The following PRKCE variants were observed in gnomAD, a reference collection of about 807,000 sequenced individuals.
PRKCE encodes protein kinase C epsilon type.
Under a neutral mutation model 85.4 loss-of-function variants are expected in PRKCE, and 16 were observed. The observed-to-expected ratio is 0.19, with a 90% CI of 0.13 to 0.28. PRKCE has a LOEUF of 0.28. PRKCE is among the 10% of genes least tolerant of loss of function. The pLI, the probability that PRKCE is intolerant of heterozygous loss-of-function variation, is 1.00. For missense variants in PRKCE, 573 were observed against 975.2 expected (o/e 0.59, Z 5.49); for synonymous variants, 388 against 371.5 (o/e 1.04, Z -0.51).
At position 46,051,267 on chromosome 2, in the gene PRKCE, T is replaced by C. The variant is rs73926169; in HGVS notation, c.1438-34941T>C. Among the ~76,000 whole-genome samples the C allele has an allele frequency of 4.5e-3, 691 of 152,254 alleles. 4 individuals are homozygous for C. Among genetic ancestry groups the C allele is most frequent in the African/African-American group, 0.015 (642 of 41,554 alleles). ...AGAGCACCACAAGTGGTAGCCTGGG[T>C]AGTGGGCCCCTGGGCTGGTGGTTTC... is the stretch of plus-strand genomic sequence containing the variant. On this transcript the variant is annotated intron_variant, in intron 10 of 14. Transcript: ENST00000306156.
chr2:45,688,378 A>T (rs540673546), intron 1 of PRKCE, among the ~76,000 whole-genome samples: 5 of 152,236 alleles, frequency 3.3e-5, no homozygotes, highest in South Asian at 4.2e-4. Context: ...GGATGTTCAA[A>T]CTTTGGTTGT....
At chr2:45,961,783 C>T (rs1331740533) in intron 2 of PRKCE, among the ~76,000 whole-genome samples, 2 of 152,134 alleles carry the variant, frequency 1.3e-5, no homozygotes, top group Middle Eastern at 3.2e-3. Context: ...GCAACCTCTG[C>T]CTCCCGGGTT....
At chr2:45,784,054 G>A (rs1017149052) in intron 1 of PRKCE, among the ~76,000 whole-genome samples, 10 of 152,252 alleles carry the variant, frequency 6.6e-5, no homozygotes, top group Admixed American at 6.5e-4. Context: ...ATCTTCTCTG[G>A]ATGTCAGGAG....
chr2:45,668,645 G>C (rs1676021855), intron 1 of PRKCE, among the ~76,000 whole-genome samples: 1 of 152,016 alleles, frequency 6.6e-6, no homozygotes, highest in Admixed American at 6.6e-5. Flanking sequence ...TTCACAGTTT[G>C]CTAGTTCACT....
Position 46,159,952 on chromosome 2 carries a change from A to T in PRKCE, c.2067+200A>T, listed in dbSNP as rs977401652. ...CTATTGAAAACATGTAACCTACTAC[A>T]GCAGCACCCAAGATGATGATTTACG... On this transcript the variant is annotated intron_variant, in intron 14 of 14. Transcript: ENST00000306156. The surrounding 1 kb of genome is among the most constrained non-coding windows in gnomAD (Gnocchi z 4.1). 1.3e-5 allele frequency: 7 copies of T among 551,300 alleles called. No homozygotes were observed. The highest frequency in any genetic ancestry group is 2.1e-5 in the Non-Finnish European group (7 of 328,514). The allele number at this position is 551,300 out of a possible 1,614,324, so 34.2% of individuals were successfully genotyped here. A position where few individuals can be genotyped will look rare whatever the true frequency, so the allele number is the denominator to read the frequency against.
intron 1 of PRKCE, among the ~76,000 whole-genome samples, chr2:45,738,608 C>A (rs1226200580): frequency 6.6e-6 from 1 of 152,168 alleles, no homozygotes; most frequent in Non-Finnish European, 1.5e-5. Flanking sequence ...TAGCCTTGTA[C>A]GTTGTTCTCA....
At chr2:46,160,349 G>C (rs1677633642) in intron 14 of PRKCE, among the ~76,000 whole-genome samples, 1 of 152,170 alleles carries the variant, frequency 6.6e-6, no homozygotes, top group African/African-American at 2.4e-5. Flanking sequence ...AGTTGGAGGG[G>C]GCATGTAACA....
chr2:45,801,036 A>G (rs1687824944), intron 1 of PRKCE, among the ~76,000 whole-genome samples: 1 of 152,164 alleles, frequency 6.6e-6, no homozygotes, highest in Non-Finnish European at 1.5e-5. Context: ...GGGGAAGGGC[A>G]TTCCAGGCAG....
intron 1 of PRKCE, among the ~76,000 whole-genome samples, chr2:45,795,734 C>T (rs1012688064): frequency 2.6e-5 from 4 of 152,334 alleles, no homozygotes; most frequent in South Asian, 2.1e-4. Context: ...GTTCCGTCAG[C>T]AGGGTGCTTC....
intron 9 of PRKCE, among the ~76,000 whole-genome samples, chr2:46,009,002 CT>C (rs1302127554): frequency 6.6e-6 from 1 of 152,168 alleles, no homozygotes; most frequent in Non-Finnish European, 1.5e-5. Flanking sequence ...CTGATGGCTG[CT>C]TTTTAGCTTT....
chr2:46,179,062 T>G (rs1679711731), intron 14 of PRKCE, among the ~76,000 whole-genome samples: 1 of 152,128 alleles, frequency 6.6e-6, no homozygotes, highest in Non-Finnish European at 1.5e-5. Context: ...GGGGTCACTA[T>G]GCTACTTGTG....
chr2:45,719,479 T>G (rs1016398718), intron 1 of PRKCE, among the ~76,000 whole-genome samples: 1 of 152,182 alleles, frequency 6.6e-6, no homozygotes, highest in African/African-American at 2.4e-5. Flanking sequence ...GAAGGACTGT[T>G]TGGGGCTCCT....
chr2:45,993,602 T>G (rs915918572), intron 6 of PRKCE, among the ~76,000 whole-genome samples: 1 of 152,198 alleles, frequency 6.6e-6, no homozygotes, highest in African/African-American at 2.4e-5. Flanking sequence ...AGGGAGCTAG[T>G]GGTCAAGTTA....
In PRKCE at chr2:45,697,791, C is replaced by T. The variant is rs944516443; in HGVS notation, c.348+45343C>T. ...GGACAGACTACCTCTGCTGACCACC[C>T]CAATTTCCAGCAAGCTTTTTAAAAT... On this transcript the variant is annotated intron_variant, in intron 1 of 14. Transcript: ENST00000306156. This position sits in a 1 kb window ranked among gnomAD's most constrained non-coding sequence, Gnocchi z 4.2. Among the ~76,000 whole-genome samples the T allele has an allele frequency of 6.6e-6, 1 of 152,208 alleles. No homozygotes were observed. Among genetic ancestry groups the T allele is most frequent in the African/African-American group, 2.4e-5 (1 of 41,450 alleles).
At position 45,834,676 on chromosome 2, in the gene PRKCE, G is replaced by A. The variant is rs1690711266; in HGVS notation, c.349-8324G>A. On this transcript the variant is annotated intron_variant, in intron 1 of 14. Coordinates refer to ENST00000306156, the MANE Select transcript of PRKCE (RefSeq NM_005400.3). ...ACACAACATCATGAACTTACGGTGT[G>A]TTGCTTTATCCCCCCTCCACTTAAT... Among the ~76,000 whole-genome samples the A allele has an allele frequency of 2.0e-5, 3 of 152,074 alleles. No individual in the cohort carries two copies. The South Asian group carries it at 6.2e-4, about 32-fold the overall frequency.
At chr2:45,734,824 T>G (rs1167794116) in intron 1 of PRKCE, among the ~76,000 whole-genome samples, 2 of 152,194 alleles carry the variant, frequency 1.3e-5, no homozygotes, top group African/African-American at 4.8e-5. Flanking sequence ...AGAAGCCCCT[T>G]CCTGAGGGCA....
rs145590201 is a variant in PRKCE, at chr2:45,925,188, C to T, written c.413-51241C>T. Among the ~76,000 whole-genome samples the T allele has an allele frequency of 1.5e-3, 224 of 152,294 alleles. 3 individuals are homozygous for T. Among genetic ancestry groups the T allele is most frequent in the Admixed American group, 0.013 (200 of 15,296 alleles). On this transcript the variant is annotated intron_variant, in intron 2 of 14. Transcript: ENST00000306156. The stretch of plus-strand genomic sequence containing the variant: ...GATGTCCAGTTTCTCATTTCCAAGA[C>T]TCGTACTAAGGGAGAGGGTGTTCCC...
chr2:46,010,780 TC>T (rs746238647), intron 10 of PRKCE: 2 of 1,595,224 alleles, frequency 1.3e-6, no homozygotes, highest in African/African-American at 2.7e-5. Context: ...ATGGCTAAAC[TC>T]ACTGTTTGCT....
intron 2 of PRKCE, among the ~76,000 whole-genome samples, chr2:45,909,116 T>C (rs1212769398): frequency 6.6e-6 from 1 of 152,258 alleles, no homozygotes; most frequent in African/African-American, 2.4e-5. Flanking sequence ...TCATTAGTCA[T>C]GCAACTTATT....
Sources: allele counts gnomAD v4.1 joint callset (sites outside exome capture counted in the v4.1 genomes callset), GRCh38; gene constraint gnomAD v4.1.1; non-coding constraint Gnocchi (gnomAD v3.1); transcripts MANE v1.5; gene names NCBI Gene and HGNC (gene_info 2026-07-23, HGNC 2026-07-21).